The following ZFYVE16 variants were observed in gnomAD, a reference collection of about 807,000 sequenced individuals.
ZFYVE16 encodes the protein zinc finger FYVE-type containing 16.
In ZFYVE16, 89 loss-of-function variants were observed where a neutral mutation model predicts 138.1. The observed-to-expected ratio is 0.64, with a 90% confidence interval of 0.54 to 0.77. The LOEUF (loss-of-function observed/expected upper bound fraction) is 0.77, where lower values mean the gene tolerates loss of function less well. Among genes scored for constraint, ZFYVE16 ranks in the 30% least tolerant of loss-of-function variants. ZFYVE16 has a pLI of 0.00. For synonymous variants in ZFYVE16, 596 were observed against 618.3 expected (o/e 0.96, Z 0.53); for missense variants, 1,793 against 1,786.7 (o/e 1.00, Z -0.06).
In ZFYVE16 at chr5:80,459,495, G is replaced by A. The variant is rs546454078; in HGVS notation, c.4024+1G>A. ...CTTGCTAAGTCCAGCATAGTTGAAGGTATGAATTTCATTTTTAATGGTGTT... is the reference window on the plus strand; with the variant it reads ...CTTGCTAAGTCCAGCATAGTTGAAGATATGAATTTCATTTTTAATGGTGTT... On this transcript the variant is annotated splice_donor_variant, in intron 15 of 18. Transcript: ENST00000505560. LOFTEE classifies it high-confidence loss of function. 2 of 1,605,962 alleles carry A rather than the reference G, an allele frequency of 1.2e-6. No homozygotes were observed. Among genetic ancestry groups the A allele is most frequent in the Middle Eastern group, 1.7e-4 (1 of 6,020 alleles).
chr5:80,434,921 G>T (rs1749657152), intron 3 of ZFYVE16, among the ~76,000 whole-genome samples: 1 of 152,118 alleles, frequency 6.6e-6, no homozygotes, highest in Admixed American at 6.5e-5. Flanking sequence ...GAGTGCAGTG[G>T]CGCCATGTCA....
intron 15 of ZFYVE16, among the ~76,000 whole-genome samples, chr5:80,471,545 A>C (rs960064260): frequency 6.6e-6 from 1 of 152,142 alleles, no homozygotes; most frequent in Admixed American, 6.5e-5. Context: ...CACTAAACTT[A>C]ATAATAAATG....
rs753288213 is a variant in ZFYVE16, at chr5:80,438,068, A to C, written c.1383A>C (p.Thr461=). 5.6e-6 allele frequency: 9 copies of C among 1,614,140 alleles called. No homozygotes were observed. The South Asian group carries it at 9.9e-5, about 18-fold the overall frequency. ...ACAGAAAGATAGATCCTGACCAGAC[A>C]GTAATCAGAGCTGAGTCTTTGGATG... The part of the protein sequence containing the change: ...MEDRKIDPDQ[T]VIRAESLDGG... Residue 461 remains threonine, a synonymous_variant, in exon 4 of 19, where the codon ACA becomes ACC. Coordinates refer to ENST00000505560, the MANE Select transcript of ZFYVE16 (RefSeq NM_001284236.3).
Position 80,481,028 on chromosome 5 carries a change from G to C in ZFYVE16, c.*3651G>C, listed in dbSNP as rs1015206850. On this transcript the variant is annotated 3_prime_UTR_variant, in exon 19 of 19. Coordinates refer to ENST00000505560, the MANE Select transcript of ZFYVE16 (RefSeq NM_001284236.3). ...GACCAGAAAGGAGGTTGGAGGCTAT[G>C]GGACAAAACCCTTTTTAATTTAATT... is the stretch of plus-strand genomic sequence containing the variant. Among the ~76,000 whole-genome samples, 2 of 152,178 alleles carry C rather than the reference G, an allele frequency of 1.3e-5. No homozygotes were observed. The highest frequency in any genetic ancestry group is 4.8e-5 in the African/African-American group (2 of 41,432).
rs1344345099 is a variant in ZFYVE16, at chr5:80,456,485, T to C, written c.3715T>C (p.Leu1239=). ...LVDLRNYQYT[L]HNIDQLLIHM... is the part of the protein sequence containing the mutation. ...GGACCTTCGAAATTACCAGTATACC[T>C]TGCATAATATAGATCAACTGTTGAT... Residue 1239 remains leucine, a synonymous_variant, in exon 13 of 19, where the codon TTG becomes CTG. Transcript: ENST00000505560. 2 of 1,612,646 alleles carry C rather than the reference T, an allele frequency of 1.2e-6. No homozygotes were observed. Among genetic ancestry groups the C allele is most frequent in the Non-Finnish European group, 1.7e-6 (2 of 1,179,288 alleles).
In ZFYVE16 at chr5:80,445,516, T is replaced by G. The variant is rs114174761; in HGVS notation, c.2724+111T>G. On this transcript the variant is annotated intron_variant, in intron 7 of 18. Transcript: ENST00000505560. ...TTTTTTTTTAACACTTTGAGCTTCC[T>G]AAAATAAGAGATGTATTGATATAGT... is the stretch of plus-strand genomic sequence containing the variant. The G allele has an allele frequency of 8.6e-4, 822 of 954,026 alleles. 7 individuals are homozygous for G. The African/African-American group carries it at 0.013, about 15-fold the overall frequency. The allele number at this position is 954,026 out of a possible 1,614,324, so 59.1% of individuals were successfully genotyped here. A position where few individuals can be genotyped will look rare whatever the true frequency, so the allele number is the denominator to read the frequency against.
chr5:80,411,134 ATTTTT>A (rs58086060), intron 1 of ZFYVE16, among the ~76,000 whole-genome samples: 2 of 95,236 alleles, frequency 2.1e-5, no homozygotes, highest in East Asian at 3.1e-4. Context: ...CGCCCAGCTA[ATTTTT>A]TTTTTTTTTT....
In ZFYVE16 at chr5:80,455,559, A is replaced by C. The variant is rs187709180; in HGVS notation, c.3608-133A>C. 9.3e-6 allele frequency: 7 copies of C among 748,980 alleles called. No homozygotes were observed. In the East Asian group the frequency reaches 2.1e-4, roughly 22 times the overall value. 46.4% of individuals were successfully genotyped at this position (748,980 alleles called of 1,614,324 possible). ...AAAAACAAAAAAAAAATTATCTCTC[A>C]CTTTCCCCTAAGAACTGATTGAGTG... On this transcript the variant is annotated intron_variant, in intron 11 of 18. Coordinates refer to ENST00000505560, the MANE Select transcript of ZFYVE16 (RefSeq NM_001284236.3).
In ZFYVE16 at chr5:80,437,956, G is replaced by A. The variant is rs779739425; in HGVS notation, c.1271G>A (p.Gly424Asp). The A allele has an allele frequency of 6.2e-6, 10 of 1,614,056 alleles. No individual in the cohort carries two copies. The Admixed American group carries it at 1.5e-4, about 24-fold the overall frequency. The part of the protein sequence containing the change: ...HEEIQNSVVL[G>D]GEPFKENDLL... ...GAAATACAGAACAGTGTTGTTCTAG[G>A]TGGGGAACCATTCAAAGAGAATGAT... Residue 424 changes from glycine to aspartate, a missense_variant, in exon 4 of 19, where the codon GGT becomes GAT. Gly to Asp is a moderately conservative substitution (Grantham distance 94). Transcript: ENST00000505560.
chr5:80,442,591 C>G (rs1206953932), intron 5 of ZFYVE16, among the ~76,000 whole-genome samples: 1 of 152,094 alleles, frequency 6.6e-6, no homozygotes, highest in Non-Finnish European at 1.5e-5. Context: ...ACAAGGAGGT[C>G]TGGGTAGCTG....
intron 1 of ZFYVE16, among the ~76,000 whole-genome samples, chr5:80,419,960 C>G (rs1487285954): frequency 1.3e-5 from 2 of 148,376 alleles, no homozygotes; most frequent in Non-Finnish European, 3.0e-5. Flanking sequence ...TACAGGTACA[C>G]TCCACCACGC....
chr5:80,464,731 T>C (rs553037238), intron 15 of ZFYVE16, among the ~76,000 whole-genome samples: 1 of 152,326 alleles, frequency 6.6e-6, no homozygotes, highest in South Asian at 2.1e-4. Context: ...ATATTTTGTT[T>C]CTCTGTTCCT....
intron 7 of ZFYVE16, among the ~76,000 whole-genome samples, chr5:80,446,790 TA>T (rs1309887248): frequency 1.3e-5 from 2 of 152,216 alleles, no homozygotes; most frequent in Non-Finnish European, 2.9e-5. Context: ...TGCTAGGTGT[TA>T]AACAGAAGAT....
Position 80,436,208 on chromosome 5 carries a change from C to T in ZFYVE16, c.71-548C>T, listed in dbSNP as rs114378866. 3.5e-3 allele frequency among the ~76,000 whole-genome samples: 533 copies of T among 152,302 alleles called. 1 individual carries two copies. Among genetic ancestry groups the T allele is most frequent in the Non-Finnish European group, 5.3e-3 (362 of 68,026 alleles). On this transcript the variant is annotated intron_variant, in intron 3 of 18. Transcript: ENST00000505560. ...TGGCCCATCTTGAAACCATCACATGCCCATCACCGTGGCCATAGCGTGTGA... is the reference window on the plus strand; with the variant it reads ...TGGCCCATCTTGAAACCATCACATGTCCATCACCGTGGCCATAGCGTGTGA...
At chr5:80,414,039 A>G (rs540155367) in intron 1 of ZFYVE16, among the ~76,000 whole-genome samples, 1 of 152,304 alleles carries the variant, frequency 6.6e-6, no homozygotes, top group South Asian at 2.1e-4. Context: ...TAAATATTGT[A>G]TGTAGCTGAA....
At chr5:80,468,693 T>C (rs1580353433) in intron 15 of ZFYVE16, among the ~76,000 whole-genome samples, 1 of 152,212 alleles carries the variant, frequency 6.6e-6, no homozygotes, top group East Asian at 1.9e-4. Context: ...ATTGCCGATG[T>C]AAATGGTATC....
At chr5:80,452,587 A>G (rs1197991403) in intron 11 of ZFYVE16, 1 of 152,120 alleles carries the variant, frequency 6.6e-6, no homozygotes, top group Non-Finnish European at 1.5e-5. Context: ...TTGCCTGCAT[A>G]TTAAGAAGAT....
rs1040996060 is a variant in ZFYVE16 at position 80,480,249 on chromosome 5, G to T, written c.*2872G>T. Reference sequence around the variant, plus strand: ...ACTTGCAGGAAATGGGAAACTATACGATAAAAAGTTGTGGAGCTAATCTGG... The same window carrying T: ...ACTTGCAGGAAATGGGAAACTATACTATAAAAAGTTGTGGAGCTAATCTGG... On this transcript the variant is annotated 3_prime_UTR_variant, in exon 19 of 19. Transcript: ENST00000505560. Among the ~76,000 whole-genome samples the T allele has an allele frequency of 5.9e-5, 9 of 152,092 alleles. No individual in the cohort carries two copies. Among genetic ancestry groups the T allele is most frequent in the African/African-American group, 2.2e-4 (9 of 41,426 alleles).
chr5:80,470,845 T>G (rs1376904831), intron 15 of ZFYVE16, among the ~76,000 whole-genome samples: 4 of 152,192 alleles, frequency 2.6e-5, no homozygotes, highest in African/African-American at 9.6e-5. Flanking sequence ...TTTGTCATTG[T>G]TATATGTAGG....
Sources: allele counts gnomAD v4.1 joint callset (sites outside exome capture counted in the v4.1 genomes callset), GRCh38; gene constraint gnomAD v4.1.1; transcripts MANE v1.5; gene names NCBI Gene and HGNC (gene_info 2026-07-23, HGNC 2026-07-21).